Variants in SCAPER observed in about 807,000 individuals in gnomAD.
SCAPER encodes S-phase cyclin A associated protein in the ER, also known as S phase cyclin A-associated protein in the endoplasmic reticulum.
Under a neutral mutation model 182.2 loss-of-function variants are expected in SCAPER, and 98 were observed. That is an observed-to-expected ratio of 0.54 (90% CI 0.46 to 0.64). The LOEUF (loss-of-function observed/expected upper bound fraction) is 0.64. SCAPER is among the 30% of genes least tolerant of loss of function. The probability of loss-of-function intolerance (pLI) is 0.00; values close to 1 mark genes in which losing one functional copy is unlikely to be tolerated. For missense variants in SCAPER, 1,432 were observed against 1,690.0 expected (o/e 0.85, Z 2.68); for synonymous variants, 605 against 564.6 (o/e 1.07, Z -1.01).
intron 21 of SCAPER, among the ~76,000 whole-genome samples, chr15:76,638,036 T>A (rs1327509273): frequency 6.6e-6 from 1 of 152,116 alleles, no homozygotes; most frequent in Non-Finnish European, 1.5e-5. Flanking sequence ...TTATATATTC[T>A]GGACATAAAT....
chr15:76,848,883 G>T (rs1184163823), intron 4 of SCAPER, among the ~76,000 whole-genome samples: 1 of 151,926 alleles, frequency 6.6e-6, no homozygotes, highest in Non-Finnish European at 1.5e-5. Flanking sequence ...AGGGCCCATG[G>T]CTCATGAATG....
At chr15:76,447,773 C>T (rs972645317) in intron 25 of SCAPER, among the ~76,000 whole-genome samples, 3 of 152,136 alleles carry the variant, frequency 2.0e-5, no homozygotes, top group African/African-American at 7.2e-5. Flanking sequence ...ATACTATGTC[C>T]TCGACTCTGT....
At chr15:76,532,398 C>T (rs945092698) in intron 23 of SCAPER, among the ~76,000 whole-genome samples, 4 of 150,356 alleles carry the variant, frequency 2.7e-5, no homozygotes, top group African/African-American at 4.9e-5. Context: ...GTCAGGGTCT[C>T]GCTACATTGC....
intron 22 of SCAPER, among the ~76,000 whole-genome samples, chr15:76,611,180 C>T (rs1023293008): frequency 2.0e-5 from 3 of 151,824 alleles, no homozygotes; most frequent in Non-Finnish European, 2.9e-5. Flanking sequence ...GTCTCTTCAA[C>T]AAATGGTGTT....
chr15:76,812,361 C>A (rs1158216816), intron 5 of SCAPER, among the ~76,000 whole-genome samples: 7 of 150,516 alleles, frequency 4.7e-5, no homozygotes, highest in Non-Finnish European at 7.4e-5. Context: ...TGGTGGCATG[C>A]GCCTGTAATT....
At chr15:76,560,307 G>A (rs2046517190) in intron 23 of SCAPER, among the ~76,000 whole-genome samples, 1 of 152,124 alleles carries the variant, frequency 6.6e-6, no homozygotes, top group South Asian at 2.1e-4. Context: ...TAAAACCTTG[G>A]TGAACTCACA....
At chr15:76,805,856 C>T (rs971388072) in intron 5 of SCAPER, among the ~76,000 whole-genome samples, 4 of 152,068 alleles carry the variant, frequency 2.6e-5, no homozygotes, top group African/African-American at 7.2e-5. Flanking sequence ...TGTGATCCAC[C>T]GTGCCCAGCC....
chr15:76,723,542 C>T (rs928285750), intron 17 of SCAPER, among the ~76,000 whole-genome samples: 3 of 152,080 alleles, frequency 2.0e-5, no homozygotes, highest in Non-Finnish European at 2.9e-5. Context: ...GTTAAAGTCT[C>T]CCATTATTAT....
chr15:76,834,553 T>C (rs983170733), intron 5 of SCAPER, among the ~76,000 whole-genome samples: 7 of 151,694 alleles, frequency 4.6e-5, no homozygotes, highest in African/African-American at 1.7e-4. Context: ...ACCATACTAA[T>C]AAGGAAGAGC....
At chr15:76,742,240 G>A (rs190840198) in intron 15 of SCAPER, among the ~76,000 whole-genome samples, 12 of 151,758 alleles carry the variant, frequency 7.9e-5, no homozygotes, top group South Asian at 2.1e-4. Context: ...ATGGGTGATC[G>A]GTATTAGAAA....
At chr15:76,507,277 G>A (rs1371478220) in intron 23 of SCAPER, among the ~76,000 whole-genome samples, 2 of 152,166 alleles carry the variant, frequency 1.3e-5, no homozygotes, top group Non-Finnish European at 2.9e-5. Flanking sequence ...ACAGCAAGTG[G>A]TGGCCATCCA....
chr15:76,746,112 T>C (rs972434651), intron 15 of SCAPER, among the ~76,000 whole-genome samples: 26 of 152,112 alleles, frequency 1.7e-4, no homozygotes, highest in Non-Finnish European at 3.5e-4. Flanking sequence ...GTAACAGCAA[T>C]AGATGGAGAA....
intron 25 of SCAPER, among the ~76,000 whole-genome samples, chr15:76,458,836 C>A (rs1486489607): frequency 6.6e-6 from 1 of 152,086 alleles, no homozygotes; most frequent in Non-Finnish European, 1.5e-5. Flanking sequence ...CACCACACAC[C>A]CTTCCAGGCC....
In SCAPER at chr15:76,731,153, T is replaced by G. The variant is rs1598412882; in HGVS notation, c.2022+2076A>C. On this transcript the variant is annotated intron_variant, in intron 16 of 31. Coordinates refer to ENST00000563290, the MANE Select transcript of SCAPER (RefSeq NM_020843.4). ...TGACTTTATAAAATAATATACACTA[T>G]GAATCTATATAGCCACAAGGAAAGA... 2.0e-5 allele frequency among the ~76,000 whole-genome samples: 3 copies of G among 152,264 alleles called. No homozygotes were observed. The South Asian group carries it at 6.2e-4, about 32-fold the overall frequency.
chr15:76,721,202 T>C (rs1344785478), intron 17 of SCAPER, among the ~76,000 whole-genome samples: 1 of 152,222 alleles, frequency 6.6e-6, no homozygotes, highest in African/African-American at 2.4e-5. Flanking sequence ...CCATTGCTTC[T>C]TTTTCTCAGG....
chr15:76,857,001 C>G (rs1294214268), intron 4 of SCAPER, among the ~76,000 whole-genome samples: 1 of 152,104 alleles, frequency 6.6e-6, no homozygotes, highest in Admixed American at 6.5e-5. Context: ...TTTATTAGAG[C>G]TATTTAAAAT....
intron 15 of SCAPER, among the ~76,000 whole-genome samples, chr15:76,745,606 T>C (rs907819690): frequency 1.3e-5 from 2 of 152,198 alleles, no homozygotes; most frequent in Non-Finnish European, 2.9e-5. Flanking sequence ...AAAAGAACTA[T>C]AAATGGTAGC....
At chr15:76,764,297 T>C (rs758512329) in intron 14 of SCAPER, among the ~76,000 whole-genome samples, 16 of 152,098 alleles carry the variant, frequency 1.1e-4, no homozygotes, top group South Asian at 2.1e-4. Flanking sequence ...AGTCCTCAGC[T>C]CCAAAAGCTA....
chr15:76,540,019 C>T (rs1017395876), intron 23 of SCAPER, among the ~76,000 whole-genome samples: 8 of 152,178 alleles, frequency 5.3e-5, no homozygotes, highest in East Asian at 1.9e-4. Context: ...ATTGGTACAA[C>T]TATTCCATGG....
Sources: allele counts gnomAD v4.1 joint callset (sites outside exome capture counted in the v4.1 genomes callset), GRCh38; gene constraint gnomAD v4.1.1; transcripts MANE v1.5; gene names NCBI Gene and HGNC (gene_info 2026-07-23, HGNC 2026-07-21).